Variants in RFX7 observed in about 807,000 individuals in gnomAD.
RFX7 encodes regulatory factor X7.
A neutral mutation model predicts 111.8 loss-of-function variants in RFX7; 26 were observed. That is an observed-to-expected ratio of 0.23 (90% confidence interval 0.17 to 0.32). The LOEUF is 0.32. RFX7 is among the 10% of genes least tolerant of loss of function. RFX7 has a pLI of 1.00. For missense variants in RFX7, 1,573 were observed against 1,772.9 expected (o/e 0.89, Z 2.02); for synonymous variants, 624 against 624.4 (o/e 1.00, Z 0.01).
intron 2 of RFX7, chr15:56,189,768 C>T (rs1364102199): frequency 1.3e-5 from 2 of 152,168 alleles, no homozygotes; most frequent in Non-Finnish European, 2.9e-5. Flanking sequence ...AGCTTTCATA[C>T]ATTTATGGTG....
In RFX7 at chr15:56,088,361, C is replaced by T. The variant is rs1422017896; in HGVS notation, c.*4984G>A. 1 of 152,846 alleles carries T rather than the reference C, an allele frequency of 6.5e-6. No homozygotes were observed. The highest frequency in any genetic ancestry group is 2.4e-5 in the African/African-American group (1 of 41,418). The allele number at this position is 152,846 out of a possible 1,614,324, so 9.5% of individuals were successfully genotyped here. ...AAATAATACTCGCTAAAAATTGTTA[C>T]AATGAGGACATGAGAATATATGCAA... On this transcript the variant is annotated 3_prime_UTR_variant, in exon 10 of 10. Transcript: ENST00000559447.
intron 3 of RFX7, among the ~76,000 whole-genome samples, chr15:56,151,317 A>G (rs975382237): frequency 2.6e-5 from 4 of 152,216 alleles, no homozygotes; most frequent in Non-Finnish European, 5.9e-5. Flanking sequence ...CAGAAAGGTC[A>G]GGTTACCCAC....
chr15:56,104,860 A>C (rs2041809140), intron 5 of RFX7, among the ~76,000 whole-genome samples: 1 of 152,184 alleles, frequency 6.6e-6, no homozygotes, highest in Admixed American at 6.5e-5. Flanking sequence ...TACGAGCAGA[A>C]AGGGAACTAA....
At chr15:56,144,710 C>T (rs896981038) in intron 3 of RFX7, among the ~76,000 whole-genome samples, 8 of 152,068 alleles carry the variant, frequency 5.3e-5, no homozygotes, top group Non-Finnish European at 1.5e-5. Flanking sequence ...GTTCTTACAT[C>T]ATGGGCATAA....
At chr15:56,121,883 C>T (rs2042083564) in intron 5 of RFX7, among the ~76,000 whole-genome samples, 1 of 152,124 alleles carries the variant, frequency 6.6e-6, no homozygotes, top group Non-Finnish European at 1.5e-5. Context: ...TATTCAATCT[C>T]TGTTAAATTT....
rs1456501023 is a variant in RFX7, at chr15:56,123,667, G to C, written c.401+19111C>G. Among the ~76,000 whole-genome samples the C allele has an allele frequency of 2.0e-5, 3 of 152,182 alleles. No individual in the cohort carries two copies. In the East Asian group the frequency reaches 5.8e-4, roughly 29 times the overall value. The stretch of plus-strand genomic sequence containing the variant: ...TATACATTGCAGTCCTTGTGGTCTA[G>C]ACTGCCTTTCAAGTTTATTTAGGAC... On this transcript the variant is annotated intron_variant, in intron 5 of 9. Transcript: ENST00000559447.
intron 3 of RFX7, among the ~76,000 whole-genome samples, chr15:56,162,963 T>G (rs1480547208): frequency 6.6e-6 from 1 of 152,152 alleles, no homozygotes; most frequent in East Asian, 1.9e-4. Flanking sequence ...GTAACTCCAG[T>G]GCCGTATCAC....
chr15:56,134,046 G>A (rs2042254497), intron 5 of RFX7, among the ~76,000 whole-genome samples: 1 of 152,148 alleles, frequency 6.6e-6, no homozygotes, highest in African/African-American at 2.4e-5. Context: ...AATATTAGCA[G>A]TATTTCTAAC....
intron 2 of RFX7, among the ~76,000 whole-genome samples, chr15:56,225,700 A>C (rs1407902022): frequency 6.6e-6 from 1 of 152,136 alleles, no homozygotes; most frequent in African/African-American, 2.4e-5. Context: ...TGGTATCTTT[A>C]TATCTGGAGA....
chr15:56,185,639 ATCTAGTG>A (rs1358121224), intron 2 of RFX7, among the ~76,000 whole-genome samples: 1 of 152,020 alleles, frequency 6.6e-6, no homozygotes, highest in African/African-American at 2.4e-5. Flanking sequence ...TTTAATCATG[ATCTAGTG>A]TCCTTTAAAC....
chr15:56,098,569 C>A (rs2041713156), intron 8 of RFX7, among the ~76,000 whole-genome samples, 193 bp from the exon 9 acceptor site: 1 of 152,184 alleles, frequency 6.6e-6, no homozygotes. Context: ...TGTCATCTTA[C>A]AATATGGTTC....
At chr15:56,125,022 ATTT>A (rs571612978) in intron 5 of RFX7, among the ~76,000 whole-genome samples, 1 of 152,058 alleles carries the variant, frequency 6.6e-6, no homozygotes, top group Non-Finnish European at 1.5e-5. Context: ...TTTTGAGTTA[ATTT>A]TTGTATAGGG....
At chr15:56,113,088 G>A (rs2041961210) in intron 5 of RFX7, among the ~76,000 whole-genome samples, 2 of 152,226 alleles carry the variant, frequency 1.3e-5, no homozygotes, top group Non-Finnish European at 2.9e-5. Context: ...GTGGAAGACA[G>A]TGTGGAGCTT....
chr15:56,237,677 G>A (rs1411603924), intron 2 of RFX7, among the ~76,000 whole-genome samples: 4 of 152,186 alleles, frequency 2.6e-5, no homozygotes, highest in Non-Finnish European at 4.4e-5. Context: ...TCAATGGAGA[G>A]AGCAAATTGG....
Position 56,096,426 on chromosome 15 carries a change from G to C in RFX7, c.1302C>G (p.Pro434=). The change falls in exon 10 of 10, where the codon CCC becomes CCG. Residue 434 remains proline, a synonymous_variant. Coordinates refer to ENST00000559447, the MANE Select transcript of RFX7 (RefSeq NM_022841.7). The stretch of plus-strand genomic sequence containing the variant: ...TGAGTGCACTGGTGTTCGCTGGTTT[G>C]GGTAAGATCTGAGGGTAACGGTGCC... The part of the protein sequence containing the change: ...SARHRYPQIL[P]KPANTSALTI... 1 of 1,613,766 alleles carries C rather than the reference G, an allele frequency of 6.2e-7. No individual in the cohort carries two copies. Among genetic ancestry groups the C allele is most frequent in the Non-Finnish European group, 8.5e-7 (1 of 1,179,812 alleles).
At chr15:56,112,967 G>A (rs148159866) in intron 5 of RFX7, among the ~76,000 whole-genome samples, 79 of 152,194 alleles carry the variant, frequency 5.2e-4, no homozygotes, top group Non-Finnish European at 8.7e-4. Flanking sequence ...ATCTCATGCC[G>A]GTCAGAATGG....
At chr15:56,168,600 T>C (rs1473535056) in intron 3 of RFX7, among the ~76,000 whole-genome samples, 8 of 152,176 alleles carry the variant, frequency 5.3e-5, no homozygotes, top group Admixed American at 1.3e-4. Flanking sequence ...TCATGACACA[T>C]ATGTTGCTAA....
At chr15:56,158,728 G>A (rs1567031817) in intron 3 of RFX7, among the ~76,000 whole-genome samples, 1 of 152,046 alleles carries the variant, frequency 6.6e-6, no homozygotes, top group East Asian at 1.9e-4. Context: ...AGGCTAAAGT[G>A]GTACAATTGC....
Position 56,095,239 on chromosome 15 carries a change from G to A in RFX7, c.2489C>T (p.Thr830Ile). Residue 830 changes from threonine (T) to isoleucine (I), a missense_variant, in exon 10 of 10, where the codon ACA becomes ATA. By Grantham distance (89) the Thr-to-Ile change is moderately conservative (BLOSUM62 -1). Coordinates refer to ENST00000559447, the MANE Select transcript of RFX7 (RefSeq NM_022841.7). ...CTGGCTATGTAGCTGCTGGCTATATGTGTCCTGTGGCATTCCTTCTAATTC... is the reference window on the plus strand; with the variant it reads ...CTGGCTATGTAGCTGCTGGCTATATATGTCCTGTGGCATTCCTTCTAATTC... ...VWELEGMPQD[T>I]YSQQLHSQIQ... 1.2e-6 allele frequency: 2 copies of A among 1,613,556 alleles called. No homozygotes were observed. Among genetic ancestry groups the A allele is most frequent in the Non-Finnish European group, 8.5e-7 (1 of 1,179,486 alleles).
Sources: allele counts gnomAD v4.1 joint callset (sites outside exome capture counted in the v4.1 genomes callset), GRCh38; gene constraint gnomAD v4.1.1; transcripts MANE v1.5; gene names NCBI Gene and HGNC (gene_info 2026-07-23, HGNC 2026-07-21).